Variants in CHSY3 observed in about 807,000 individuals in gnomAD.
CHSY3 encodes the protein N-acetylgalactosaminyl-proteoglycan 3-beta-glucuronosyltransferase 3.
In CHSY3, 35 loss-of-function variants were observed where a neutral mutation model predicts 67.2. The observed-to-expected ratio is 0.52, with a 90% confidence interval of 0.40 to 0.69. CHSY3 has a LOEUF of 0.69. Ranked by LOEUF, CHSY3 falls within the 30% of genes least tolerant of loss-of-function variation. The probability of loss-of-function intolerance (pLI) is 0.00; values close to 1 mark genes in which losing one functional copy is unlikely to be tolerated. For missense variants in CHSY3, 1,069 were observed against 1,138.5 expected (o/e 0.94, Z 0.88); for synonymous variants, 474 against 434.7 (o/e 1.09, Z -1.12).
intron 2 of CHSY3, among the ~76,000 whole-genome samples, chr5:129,956,250 A>G (rs1002513485): frequency 1.2e-4 from 19 of 152,110 alleles, no homozygotes; most frequent in Non-Finnish European, 4.4e-5. Context: ...GTATTTAATA[A>G]TAGCCATTTT....
At chr5:130,130,512 C>G (rs182277613) in intron 2 of CHSY3, among the ~76,000 whole-genome samples, 131 of 152,244 alleles carry the variant, frequency 8.6e-4, no homozygotes, top group African/African-American at 2.9e-3. Flanking sequence ...TTTGCAGGAG[C>G]CTTTCCTCCA....
chr5:130,123,892 C>G (rs1285757498), intron 2 of CHSY3, among the ~76,000 whole-genome samples: 1 of 151,572 alleles, frequency 6.6e-6, no homozygotes, highest in African/African-American at 2.4e-5. Flanking sequence ...CCCATCTCTA[C>G]TAAAAATACA....
chr5:129,990,688 T>TG (rs922522549), intron 2 of CHSY3, among the ~76,000 whole-genome samples: 17 of 152,162 alleles, frequency 1.1e-4, no homozygotes, highest in Non-Finnish European at 2.1e-4. Flanking sequence ...AGATTGTACT[T>TG]ATATTCAATT....
At chr5:130,001,539 AC>A in intron 2 of CHSY3, 2 of 922,214 alleles carry the variant, frequency 2.2e-6, no homozygotes, top group Non-Finnish European at 2.6e-6. Context: ...GATACGCAGG[AC>A]CCCATGGAGA....
intron 2 of CHSY3, among the ~76,000 whole-genome samples, chr5:130,076,715 A>G (rs1320341671): frequency 2.6e-5 from 4 of 152,114 alleles, no homozygotes; most frequent in Non-Finnish European, 5.9e-5. Context: ...ATAATGCTAC[A>G]TTACTCCTAA....
In CHSY3 at chr5:130,129,695, A is replaced by G. The variant is rs542709893; in HGVS notation, c.1087-54534A>G. Among the ~76,000 whole-genome samples the G allele has an allele frequency of 1.1e-4, 16 of 152,290 alleles. 1 individual carries two copies. The South Asian group carries it at 1.7e-3, about 16-fold the overall frequency. On this transcript the variant is annotated intron_variant, in intron 2 of 2. Transcript: ENST00000305031. ...ATTGTAATGGAAAGAACAATGGACC[A>G]TCTCTCAGAAGCTCTAATTCTGGCT...
chr5:129,997,673 A>C (rs531050680), intron 2 of CHSY3, among the ~76,000 whole-genome samples: 57 of 152,020 alleles, frequency 3.7e-4, no homozygotes, highest in Non-Finnish European at 6.5e-4. Flanking sequence ...CCACCCCCCA[A>C]CAGGCCCCAG....
chr5:130,099,373 G>A (rs745485418), intron 2 of CHSY3, among the ~76,000 whole-genome samples: 3 of 152,186 alleles, frequency 2.0e-5, no homozygotes, highest in Non-Finnish European at 4.4e-5. Context: ...AGATGTGTTC[G>A]TTGTTAGTAG....
At chr5:130,111,426 G>C (rs891980813) in intron 2 of CHSY3, among the ~76,000 whole-genome samples, 10 of 151,920 alleles carry the variant, frequency 6.6e-5, no homozygotes, top group Admixed American at 3.9e-4. Flanking sequence ...TTAAAATCTA[G>C]CTGTTGTTAA....
At chr5:130,165,801 T>C (rs1407876483) in intron 2 of CHSY3, among the ~76,000 whole-genome samples, 1 of 152,114 alleles carries the variant, frequency 6.6e-6, no homozygotes, top group East Asian at 1.9e-4. Flanking sequence ...TCCTTATAAA[T>C]GGCTAAGGGC....
At chr5:130,170,393 A>T (rs1312596111) in intron 2 of CHSY3, among the ~76,000 whole-genome samples, 1 of 152,084 alleles carries the variant, frequency 6.6e-6, no homozygotes, top group East Asian at 1.9e-4. Flanking sequence ...CTGTTGATGG[A>T]CACTTAGGTT....
rs13176567 is a variant in CHSY3 at position 130,158,037 on chromosome 5, G to A, written c.1087-26192G>A. Among the ~76,000 whole-genome samples the A allele has an allele frequency of 3.4e-3, 523 of 152,328 alleles. 4 individuals are homozygous for A. The highest frequency in any genetic ancestry group is 6.1e-3 in the Non-Finnish European group (413 of 68,028). ...ATAATTGCATTTTAAAAGCAGTGGG[G>A]ACGACCAGAGGTCACTCTTGTTGCC... On this transcript the variant is annotated intron_variant, in intron 2 of 2. Coordinates refer to ENST00000305031, the MANE Select transcript of CHSY3 (RefSeq NM_175856.5).
chr5:130,072,965 G>A (rs987660524), intron 2 of CHSY3, among the ~76,000 whole-genome samples: 37 of 152,128 alleles, frequency 2.4e-4, no homozygotes, highest in African/African-American at 7.2e-4. Flanking sequence ...AACAGTGTAA[G>A]TAGAAAGGTG....
intron 2 of CHSY3, among the ~76,000 whole-genome samples, chr5:129,944,113 C>A (rs1470208227): frequency 1.3e-5 from 2 of 152,248 alleles, no homozygotes. Context: ...ACATCCCCTC[C>A]TGTGGCGCTT....
chr5:130,100,906 A>C (rs1259969438), intron 2 of CHSY3, among the ~76,000 whole-genome samples: 2 of 152,238 alleles, frequency 1.3e-5, no homozygotes, highest in Non-Finnish European at 2.9e-5. Flanking sequence ...TAAACTGTGC[A>C]AGAAATGAAA....
chr5:130,078,556 T>G (rs775916504), intron 2 of CHSY3, among the ~76,000 whole-genome samples: 1 of 152,168 alleles, frequency 6.6e-6, no homozygotes, highest in Non-Finnish European at 1.5e-5. Flanking sequence ...TTGGATTTTT[T>G]TATTAGATAT....
chr5:130,135,240 A>G (rs1768622680), intron 2 of CHSY3, among the ~76,000 whole-genome samples: 1 of 151,746 alleles, frequency 6.6e-6, no homozygotes, highest in South Asian at 2.1e-4. Flanking sequence ...ATGTCTGTGT[A>G]TATAATATGT....
chr5:129,923,205 G>A (rs1431407766), intron 2 of CHSY3, among the ~76,000 whole-genome samples: 1 of 120,750 alleles, frequency 8.3e-6, no homozygotes, highest in Non-Finnish European at 1.7e-5. Context: ...GGAGTGGGAT[G>A]TGGGAATTTT....
At chr5:130,120,486 G>GAAA (rs34727574) in intron 2 of CHSY3, among the ~76,000 whole-genome samples, 271 of 95,702 alleles carry the variant, frequency 2.8e-3, no homozygotes, top group Non-Finnish European at 3.2e-3. Flanking sequence ...ATTTCTGAAA[G>GAAA]AAAAAAAAAA....
Sources: allele counts gnomAD v4.1 joint callset (sites outside exome capture counted in the v4.1 genomes callset), GRCh38; gene constraint gnomAD v4.1.1; transcripts MANE v1.5; gene names NCBI Gene and HGNC (gene_info 2026-07-23, HGNC 2026-07-21).